SLIT2: variants seen among roughly 807,000 people sequenced by gnomAD.
SLIT2 encodes slit guidance ligand 2.
A neutral mutation model predicts 185.7 loss-of-function variants in SLIT2; 41 were observed. That is an observed-to-expected ratio of 0.22 (90% CI 0.17 to 0.29). The LOEUF (loss-of-function observed/expected upper bound fraction) is 0.29, where lower values mean the gene tolerates loss of function less well. Among genes scored for constraint, SLIT2 ranks in the 10% least tolerant of loss-of-function variants. SLIT2 has a pLI of 1.00. For synonymous variants in SLIT2, 693 were observed against 680.2 expected (o/e 1.02, Z -0.29); for missense variants, 1,571 against 1,909.0 (o/e 0.82, Z 3.30).
chr4:20,317,135 A>C (rs1407827303), intron 4 of SLIT2, among the ~76,000 whole-genome samples: 1 of 152,004 alleles, frequency 6.6e-6, no homozygotes, highest in Non-Finnish European at 1.5e-5. Flanking sequence ...GATGCATGAC[A>C]TACATAGGAG....
chr4:20,462,637 T>C (rs1377186112), intron 4 of SLIT2, among the ~76,000 whole-genome samples: 1 of 152,212 alleles, frequency 6.6e-6, no homozygotes, highest in African/African-American at 2.4e-5. Context: ...TGATAACAGC[T>C]GTCTGCCCAT....
At chr4:20,329,664 C>CAA (rs776032567) in intron 4 of SLIT2, among the ~76,000 whole-genome samples, 9 of 152,058 alleles carry the variant, frequency 5.9e-5, no homozygotes, top group Non-Finnish European at 1.3e-4. Context: ...TCACATCTCT[C>CAA]AAAGTTAGGC....
intron 4 of SLIT2, among the ~76,000 whole-genome samples, chr4:20,368,845 A>C (rs1231780720): frequency 6.6e-6 from 1 of 152,100 alleles, no homozygotes; most frequent in Non-Finnish European, 1.5e-5. Context: ...AGGATGACAG[A>C]AATGATATTT....
chr4:20,472,228 ATATATAGATCTATATATC>A (rs1715123744), intron 5 of SLIT2, among the ~76,000 whole-genome samples: 1 of 95,456 alleles, frequency 1.0e-5, no homozygotes, highest in Admixed American at 1.3e-4. Context: ...GTGTGTATAT[ATATATAGATCTATATATC>A]TATATATAGA....
In SLIT2 at chr4:20,545,166, G is replaced by A. The variant is rs77586665; in HGVS notation, c.2277-865G>A. Among the ~76,000 whole-genome samples the A allele has an allele frequency of 7.9e-4, 120 of 152,110 alleles. 2 individuals are homozygous for A. In the East Asian group the frequency reaches 0.012, roughly 15 times the overall value. Reference sequence around the variant, plus strand: ...TCTTGAAATGGACCACAACATTGGGGTAGGAACGGCCACATGTTTAATGTC... The same window carrying A: ...TCTTGAAATGGACCACAACATTGGGATAGGAACGGCCACATGTTTAATGTC... On this transcript the variant is annotated intron_variant, in intron 21 of 36. Transcript: ENST00000504154.
At chr4:20,305,366 A>G (rs994590754) in intron 4 of SLIT2, among the ~76,000 whole-genome samples, 5 of 152,206 alleles carry the variant, frequency 3.3e-5, no homozygotes, top group Non-Finnish European at 7.3e-5. Context: ...GTCACCTGTG[A>G]AAAAACTGAA....
At chr4:20,333,219 G>A (rs1275793573) in intron 4 of SLIT2, among the ~76,000 whole-genome samples, 1 of 152,092 alleles carries the variant, frequency 6.6e-6, no homozygotes, top group African/African-American at 2.4e-5. Flanking sequence ...AAATTCAATG[G>A]ACTAATAATT....
chr4:20,362,660 T>A (rs775715772), intron 4 of SLIT2, among the ~76,000 whole-genome samples: 33 of 151,976 alleles, frequency 2.2e-4, no homozygotes, highest in South Asian at 1.9e-3. Context: ...CTTTTTAGCT[T>A]GCATAAATAT....
chr4:20,596,436 T>C lies in SLIT2; in HGVS notation c.3342T>C (p.Ser1114=). 1 of 1,614,014 alleles carries C rather than the reference T, an allele frequency of 6.2e-7. No individual in the cohort carries two copies. The highest frequency in any genetic ancestry group is 8.5e-7 in the Non-Finnish European group (1 of 1,179,948). ...TCAGTGGCTTGTTCTGTGAGTTTTC[T>C]CCACCCATGGTCCTCCCTCGTACCA... ...EGYSGLFCEF[S]PPMVLPRTSP... The change falls in exon 32 of 37, where the codon TCT becomes TCC. Residue 1114 remains serine (S), a synonymous_variant. Transcript: ENST00000504154.
intron 12 of SLIT2, among the ~76,000 whole-genome samples, chr4:20,521,303 G>A (rs1014775304): frequency 5.9e-5 from 9 of 152,158 alleles, no homozygotes; most frequent in Non-Finnish European, 5.9e-5. Flanking sequence ...GGGAAAGAAC[G>A]GCATGATTAT....
intron 11 of SLIT2, 146 bp downstream of exon 11, chr4:20,511,283 G>T (rs1357555327): frequency 5.7e-6 from 3 of 529,974 alleles, no homozygotes; most frequent in African/African-American, 3.8e-5. Context: ...AACCACTTCT[G>T]GGTCCCATTA....
chr4:20,263,887 A>G (rs1459280153), intron 3 of SLIT2, among the ~76,000 whole-genome samples: 1 of 151,886 alleles, frequency 6.6e-6, no homozygotes, highest in Non-Finnish European at 1.5e-5. Flanking sequence ...CTTAGCTGCT[A>G]AAGTGTATAT....
intron 9 of SLIT2, among the ~76,000 whole-genome samples, chr4:20,503,770 C>T (rs766273550): frequency 1.4e-4 from 22 of 152,206 alleles, no homozygotes; most frequent in Non-Finnish European, 2.6e-4. Flanking sequence ...TGAATTTACA[C>T]TCGGGAATGT....
chr4:20,589,259 G>A (rs556525222), intron 29 of SLIT2, among the ~76,000 whole-genome samples: 2 of 152,182 alleles, frequency 1.3e-5, no homozygotes, highest in South Asian at 4.2e-4. Context: ...AGTGGGTTCA[G>A]TTTGTGAATA....
intron 4 of SLIT2, among the ~76,000 whole-genome samples, chr4:20,317,200 AC>A (rs1379102603): frequency 6.6e-6 from 1 of 151,938 alleles, no homozygotes; most frequent in East Asian, 1.9e-4. Flanking sequence ...CTTTTTCCCC[AC>A]ATACCTGTTT....
At chr4:20,436,135 G>T (rs1484063003) in intron 4 of SLIT2, among the ~76,000 whole-genome samples, 1 of 152,194 alleles carries the variant, frequency 6.6e-6, no homozygotes, top group African/African-American at 2.4e-5. Context: ...TCCAGATGTT[G>T]TAAGACTTCA....
intron 4 of SLIT2, among the ~76,000 whole-genome samples, chr4:20,274,331 A>G (rs1056266728): frequency 6.6e-6 from 1 of 152,176 alleles, no homozygotes; most frequent in Non-Finnish European, 1.5e-5. Flanking sequence ...ATTTAAAAAA[A>G]TTACCACTAT....
intron 5 of SLIT2, among the ~76,000 whole-genome samples, chr4:20,472,971 T>C (rs905477108): frequency 5.9e-5 from 9 of 151,742 alleles, no homozygotes. Flanking sequence ...ATTACCTAGA[T>C]CACTAGTTTT....
At chr4:20,281,075 C>T (rs574974894) in intron 4 of SLIT2, among the ~76,000 whole-genome samples, 14 of 152,196 alleles carry the variant, frequency 9.2e-5, no homozygotes, top group East Asian at 3.9e-4. Flanking sequence ...TCAGGTGATC[C>T]GCCCGCCTCG....
Sources: gnomAD v4.1 joint callset for allele counts (sites outside exome capture counted in the v4.1 genomes callset) on GRCh38, gnomAD v4.1.1 for gene constraint, MANE v1.5 for transcripts, NCBI Gene and HGNC (gene_info 2026-07-23, HGNC 2026-07-21) for gene names.